DCC: variants seen among roughly 807,000 people sequenced by gnomAD.
The protein encoded by DCC is netrin receptor DCC.
Under a neutral mutation model 172.5 loss-of-function variants are expected in DCC, and 58 were observed. That is an observed-to-expected ratio of 0.34 (90% confidence interval 0.27 to 0.42). The LOEUF is 0.42. Among genes scored for constraint, DCC ranks in the 10% least tolerant of loss-of-function variants. The pLI, the probability that DCC is intolerant of heterozygous loss-of-function variation, is 1.00. For synonymous variants in DCC, 709 were observed against 644.5 expected (o/e 1.10, Z -1.52); for missense variants, 1,740 against 1,791.0 (o/e 0.97, Z 0.51).
At chr18:52,575,212 CTT>C (rs1461439631) in intron 1 of DCC, among the ~76,000 whole-genome samples, 3 of 152,178 alleles carry the variant, frequency 2.0e-5, no homozygotes, top group African/African-American at 7.2e-5. Context: ...CCAGAACCAT[CTT>C]CTCTCTGTAT....
chr18:52,464,599 A>G (rs1212098783), intron 1 of DCC, among the ~76,000 whole-genome samples: 1 of 152,238 alleles, frequency 6.6e-6, no homozygotes, highest in African/African-American at 2.4e-5. Flanking sequence ...GTGAAAATGC[A>G]GGTTCCCCAG....
intron 1 of DCC, among the ~76,000 whole-genome samples, chr18:52,439,820 G>A (rs1254382403): frequency 6.6e-6 from 1 of 152,108 alleles, no homozygotes; most frequent in Non-Finnish European, 1.5e-5. Flanking sequence ...ACCATAATGC[G>A]AGTATTACGC....
chr18:53,007,846 C>T (rs2041668475), intron 5 of DCC, among the ~76,000 whole-genome samples: 1 of 152,046 alleles, frequency 6.6e-6, no homozygotes, highest in Non-Finnish European at 1.5e-5. Context: ...TTTGGGAGCT[C>T]AAGACATAAA....
chr18:53,324,433 T>G (rs1245967721), intron 14 of DCC, among the ~76,000 whole-genome samples: 1 of 150,994 alleles, frequency 6.6e-6, no homozygotes, highest in Non-Finnish European at 1.5e-5. Flanking sequence ...TGTATTCAGA[T>G]GGAGGTAGAT....
chr18:52,537,595 A>C (rs1345924262), intron 1 of DCC, among the ~76,000 whole-genome samples: 1 of 152,162 alleles, frequency 6.6e-6, no homozygotes, highest in Non-Finnish European at 1.5e-5. Flanking sequence ...CAGCATGTAC[A>C]CATTTTTGGA....
intron 13 of DCC, among the ~76,000 whole-genome samples, chr18:53,320,096 G>A (rs2057391841): frequency 7.9e-6 from 1 of 127,258 alleles, no homozygotes; most frequent in Non-Finnish European, 1.6e-5. Context: ...TTTTTGAGAT[G>A]GAGTCTCACT....
In DCC at chr18:53,066,104, G is replaced by A. The variant is rs1380195159; in HGVS notation, c.1199G>A (p.Cys400Tyr). 1 of 1,613,406 alleles carries A rather than the reference G, an allele frequency of 6.2e-7. No individual in the cohort carries two copies. Residue 400 changes from cysteine (C) to tyrosine (Y), a missense_variant, in exon 7 of 29, where the codon TGT becomes TAT. This residue lies in a region of DCC where 1,732 missense variants were observed against 1,767.4 expected (regional missense o/e 0.98). Coordinates refer to ENST00000442544, the MANE Select transcript of DCC (RefSeq NM_005215.4). ...VVKSDEGFYQ[C>Y]VAENEAGNAQ... ...AAGTCAGATGAAGGCTTTTATCAAT[G>A]TGTGGCTGAAAATGAGGCTGGAAAT... is the stretch of plus-strand genomic sequence containing the variant.
chr18:52,495,830 G>A (rs767063422), intron 1 of DCC, among the ~76,000 whole-genome samples: 2 of 151,364 alleles, frequency 1.3e-5, no homozygotes, highest in Non-Finnish European at 2.9e-5. Flanking sequence ...ATTATTAGCA[G>A]CTAAGAATGG....
In DCC at chr18:53,428,094, A is replaced by G. The variant is rs1229219771; in HGVS notation, c.3164-7050A>G. Among the ~76,000 whole-genome samples, 2 of 15,814 alleles carry G rather than the reference A, an allele frequency of 1.3e-4. 1 individual carries two copies. The highest frequency in any genetic ancestry group is 3.5e-3 in the South Asian group (2 of 564). The allele number at this position is 15,814 out of a possible 152,430, so 10.4% of individuals were successfully genotyped here. A position where few individuals can be genotyped will look rare whatever the true frequency, so the allele number is the denominator to read the frequency against. On this transcript the variant is annotated intron_variant, in intron 21 of 28. Coordinates refer to ENST00000442544, the MANE Select transcript of DCC (RefSeq NM_005215.4). Reference sequence around the variant, plus strand: ...CATATAATATATTATAATAATATATAATATATAATATAATATAATAATATA... The same window carrying G: ...CATATAATATATTATAATAATATATGATATATAATATAATATAATAATATA...
At chr18:52,802,643 CTTTTTTTTTTTTTTTTT>C (rs776080029) in intron 2 of DCC, among the ~76,000 whole-genome samples, 54 of 38,198 alleles carry the variant, frequency 1.4e-3, no homozygotes, top group Non-Finnish European at 1.6e-3. Flanking sequence ...CACGCCAAGC[CTTTTTTTTTTTTTTTTT>C]TTTTTTTTTT....
At chr18:52,375,961 G>GT (rs1250314359) in intron 1 of DCC, among the ~76,000 whole-genome samples, 2 of 152,142 alleles carry the variant, frequency 1.3e-5, no homozygotes, top group Admixed American at 1.3e-4. Flanking sequence ...AGAAGTCAAG[G>GT]TTTCCTAGCC....
chr18:52,376,081 G>T (rs111499440), intron 1 of DCC, among the ~76,000 whole-genome samples: 4 of 152,250 alleles, frequency 2.6e-5, no homozygotes, highest in African/African-American at 9.6e-5. Flanking sequence ...TCTTTCTTGT[G>T]CTTCCTTTCC....
At chr18:52,927,151 A>G (rs28473628) in intron 5 of DCC, among the ~76,000 whole-genome samples, 2 of 60,270 alleles carry the variant, frequency 3.3e-5, no homozygotes, top group African/African-American at 5.4e-5. Flanking sequence ...ATATATGTGT[A>G]TATATACGTA....
At chr18:53,360,056 A>G (rs1287011682) in intron 15 of DCC, among the ~76,000 whole-genome samples, 2 of 152,076 alleles carry the variant, frequency 1.3e-5, no homozygotes, top group Admixed American at 6.6e-5. Flanking sequence ...AGATTTATAT[A>G]TAATTAATAT....
At chr18:53,068,834 G>C (rs2042612544) in intron 7 of DCC, among the ~76,000 whole-genome samples, 1 of 149,666 alleles carries the variant, frequency 6.7e-6, no homozygotes, top group Admixed American at 6.6e-5. Flanking sequence ...GGGACTGATT[G>C]CAAAAATGGG....
intron 8 of DCC, among the ~76,000 whole-genome samples, chr18:53,170,084 T>C (rs945411740): frequency 1.3e-5 from 2 of 152,178 alleles, no homozygotes; most frequent in African/African-American, 4.8e-5. Flanking sequence ...TGAACAAATC[T>C]GTGAAGGATA....
intron 5 of DCC, among the ~76,000 whole-genome samples, chr18:52,988,400 A>G (rs1165604145): frequency 6.6e-6 from 1 of 152,166 alleles, no homozygotes; most frequent in Admixed American, 6.5e-5. Context: ...TTCTATTTAT[A>G]AAAGGATTGC....
chr18:52,889,576 A>T (rs1410241079), intron 2 of DCC, among the ~76,000 whole-genome samples: 1 of 152,140 alleles, frequency 6.6e-6, no homozygotes, highest in Non-Finnish European at 1.5e-5. Context: ...TAGAAAATTT[A>T]TAATTGGGTT....
At chr18:52,949,239 C>G (rs942989730) in intron 5 of DCC, among the ~76,000 whole-genome samples, 2 of 152,198 alleles carry the variant, frequency 1.3e-5, no homozygotes, top group Non-Finnish European at 2.9e-5. Flanking sequence ...ACTGCTGTAA[C>G]AATTTGCTTT....
Sources: gnomAD v4.1 joint callset for allele counts (sites outside exome capture counted in the v4.1 genomes callset) on GRCh38, gnomAD v4.1.1 for gene constraint, gnomAD v4.1.1 regional missense constraint, MANE v1.5 for transcripts, NCBI Gene and HGNC (gene_info 2026-07-23, HGNC 2026-07-21) for gene names.